ANTXR1: variants seen among roughly 807,000 people sequenced by gnomAD.
The protein encoded by ANTXR1 is anthrax toxin receptor 1.
A neutral mutation model predicts 78.1 loss-of-function variants in ANTXR1; 19 were observed. The observed-to-expected ratio is 0.24, with a 90% CI of 0.17 to 0.36. The LOEUF (loss-of-function observed/expected upper bound fraction) is 0.36, where lower values mean the gene tolerates loss of function less well. ANTXR1 is among the 10% of genes least tolerant of loss of function. The probability of loss-of-function intolerance (pLI) is 1.00; values close to 1 mark genes in which losing one functional copy is unlikely to be tolerated. For synonymous variants in ANTXR1, 273 were observed against 260.5 expected (o/e 1.05, Z -0.46); for missense variants, 518 against 718.6 (o/e 0.72, Z 3.19).
chr2:69,043,863 C>A (rs1320051062), intron 2 of ANTXR1, among the ~76,000 whole-genome samples: 1 of 152,130 alleles, frequency 6.6e-6, no homozygotes, highest in Non-Finnish European at 1.5e-5. Context: ...GGAAGTGAGG[C>A]AGGTTTGAGA....
At chr2:69,140,054 G>A (rs1202481398) in intron 12 of ANTXR1, among the ~76,000 whole-genome samples, 1 of 152,164 alleles carries the variant, frequency 6.6e-6, no homozygotes, top group African/African-American at 2.4e-5. Flanking sequence ...GCATTTTATG[G>A]AGAGAAAGGG....
chr2:69,069,501 G>A (rs545732711), intron 3 of ANTXR1, among the ~76,000 whole-genome samples: 5 of 152,308 alleles, frequency 3.3e-5, no homozygotes, highest in South Asian at 2.1e-4. Context: ...GACAGTGTTA[G>A]GAACTGCCAT....
chr2:69,034,378 CTG>C (rs1332670604), intron 1 of ANTXR1, among the ~76,000 whole-genome samples: 5 of 152,144 alleles, frequency 3.3e-5, no homozygotes, highest in Non-Finnish European at 7.3e-5. Flanking sequence ...GCACAGAACT[CTG>C]TAAGACTATC....
intron 6 of ANTXR1, among the ~76,000 whole-genome samples, chr2:69,073,706 A>C (rs1161701604): frequency 6.6e-6 from 1 of 152,224 alleles, no homozygotes; most frequent in Non-Finnish European, 1.5e-5. Context: ...ACTTAGAAAA[A>C]TAAGTTTGCT....
At chr2:69,076,906 G>A (rs926588219) in intron 7 of ANTXR1, among the ~76,000 whole-genome samples, 1 of 152,204 alleles carries the variant, frequency 6.6e-6, no homozygotes, top group African/African-American at 2.4e-5. Flanking sequence ...ACATAAAGCA[G>A]GAGCAGCCAA....
At chr2:69,236,175 T>A (rs1158019334) in intron 17 of ANTXR1, among the ~76,000 whole-genome samples, 3 of 152,126 alleles carry the variant, frequency 2.0e-5, no homozygotes, top group African/African-American at 7.2e-5. Context: ...GTTTCATCAT[T>A]ACTCTATAAA....
chr2:69,228,695 T>C (rs1309222814), intron 17 of ANTXR1, among the ~76,000 whole-genome samples: 1 of 152,182 alleles, frequency 6.6e-6, no homozygotes, highest in Non-Finnish European at 1.5e-5. Flanking sequence ...TATGAAACTT[T>C]TCACTCCATA....
chr2:69,034,553 T>G (rs1671620600), intron 1 of ANTXR1, among the ~76,000 whole-genome samples: 1 of 152,188 alleles, frequency 6.6e-6, no homozygotes, highest in Admixed American at 6.5e-5. Context: ...GCATTTGAGT[T>G]AGGATTTAAT....
At chr2:69,142,946 TA>T (rs1403591103) in intron 12 of ANTXR1, among the ~76,000 whole-genome samples, 4 of 152,098 alleles carry the variant, frequency 2.6e-5, no homozygotes, top group Admixed American at 2.0e-4. Flanking sequence ...GAAATGGTAA[TA>T]AAAAACGTGT....
intron 17 of ANTXR1, among the ~76,000 whole-genome samples, chr2:69,216,583 A>G (rs947758463): frequency 6.6e-6 from 1 of 152,132 alleles, no homozygotes; most frequent in Admixed American, 6.6e-5. Flanking sequence ...TCCAGATACA[A>G]TGAAAGACCC....
At position 69,193,463 on chromosome 2, in the gene ANTXR1, A is replaced by T. The variant is rs199677313; in HGVS notation, c.1434+48A>T. ...TGGTGTCTCTCTCTCTCTCTCTCAC[A>T]TACACACACACACACACACACACAC... On this transcript the variant is annotated intron_variant, in intron 17 of 17. Transcript: ENST00000303714. The T allele has an allele frequency of 1.4e-3, 1,522 of 1,125,364 alleles. 14 individuals carry two copies. In the African/African-American group the frequency reaches 0.027, roughly 20 times the overall value. 69.7% of individuals were successfully genotyped at this position (1,125,364 alleles called of 1,614,324 possible). A position where few individuals can be genotyped will look rare whatever the true frequency, so the allele number is the denominator to read the frequency against.
intron 16 of ANTXR1, among the ~76,000 whole-genome samples, chr2:69,188,095 G>T (rs1674465029): frequency 6.6e-6 from 1 of 151,032 alleles, no homozygotes; most frequent in South Asian, 2.1e-4. Context: ...GATGACCCAG[G>T]GTGCTTTGGG....
intron 1 of ANTXR1, among the ~76,000 whole-genome samples, chr2:69,023,782 G>T (rs928516796): frequency 6.6e-6 from 1 of 152,172 alleles, no homozygotes; most frequent in African/African-American, 2.4e-5. Flanking sequence ...AATTTTGGTT[G>T]AGATGAGAGG....
intron 17 of ANTXR1, among the ~76,000 whole-genome samples, chr2:69,224,102 A>T (rs115144111): frequency 8.9e-4 from 136 of 152,344 alleles, no homozygotes; most frequent in African/African-American, 3.2e-3. Flanking sequence ...TTGAGAGATG[A>T]CCTGTACTGA....
intron 12 of ANTXR1, among the ~76,000 whole-genome samples, chr2:69,126,497 G>T (rs966043568): frequency 4.6e-5 from 7 of 152,128 alleles, no homozygotes. Flanking sequence ...CCAACCTGCA[G>T]GAAATGATTA....
intron 17 of ANTXR1, among the ~76,000 whole-genome samples, chr2:69,206,571 T>C (rs1357957045): frequency 6.6e-6 from 1 of 152,216 alleles, no homozygotes; most frequent in East Asian, 1.9e-4. Context: ...AATGGAAAGA[T>C]GAGTGTGTAG....
At chr2:69,093,617 G>A (rs10048730) in intron 9 of ANTXR1, among the ~76,000 whole-genome samples, 14,410 of 152,064 alleles carry the variant, frequency 0.095, 764 homozygotes, top group African/African-American at 0.12. Flanking sequence ...TTTGGAAAAG[G>A]TAAGGAAAAT....
chr2:69,048,560 A>G (rs995843733), intron 3 of ANTXR1, among the ~76,000 whole-genome samples: 2 of 152,164 alleles, frequency 1.3e-5, no homozygotes, highest in Admixed American at 6.5e-5. Flanking sequence ...GTCAACATCC[A>G]GTGTTTCTTT....
chr2:69,225,699 GT>G (rs974464395), intron 17 of ANTXR1, among the ~76,000 whole-genome samples: 2 of 151,982 alleles, frequency 1.3e-5, no homozygotes, highest in Non-Finnish European at 2.9e-5. Flanking sequence ...AAAGCAACAG[GT>G]TTAGAGAAAC....
Sources: gnomAD v4.1 joint callset for allele counts (sites outside exome capture counted in the v4.1 genomes callset) on GRCh38, gnomAD v4.1.1 for gene constraint, MANE v1.5 for transcripts, NCBI Gene and HGNC (gene_info 2026-07-23, HGNC 2026-07-21) for gene names.